Variants in SET observed in about 807,000 individuals in gnomAD.
The protein encoded by SET is SET nuclear proto-oncogene, also known as protein SET.
In SET, 4 loss-of-function variants were observed where a neutral mutation model predicts 39.0. The observed-to-expected ratio is 0.10, with a 90% CI of 0.05 to 0.23. The LOEUF (loss-of-function observed/expected upper bound fraction) is 0.23. SET is among the 10% of genes least tolerant of loss of function. SET has a pLI of 1.00. For missense variants in SET, 137 were observed against 329.7 expected (o/e 0.42, Z 4.53); for synonymous variants, 114 against 115.9 (o/e 0.98, Z 0.11).
Position 128,694,626 on chromosome 9 carries a change from C to T in SET, c.811-15C>T, listed in dbSNP as rs1470340465. On this transcript the variant is annotated splice_polypyrimidine_tract_variant and intron_variant, in intron 7 of 7. Coordinates refer to ENST00000322030, the MANE Select transcript of SET (RefSeq NM_003011.4). ...GCATTAATCCTGAAGATTAACTGCCCACTTTTTCTTTCAGGAGGATGAAGG... is the reference window on the plus strand; with the variant it reads ...GCATTAATCCTGAAGATTAACTGCCTACTTTTTCTTTCAGGAGGATGAAGG... 1 of 1,565,232 alleles carries T rather than the reference C, an allele frequency of 6.4e-7. No homozygotes were observed. The highest frequency in any genetic ancestry group is 8.7e-7 in the Non-Finnish European group (1 of 1,148,088).
At position 128,692,656 on chromosome 9, in the gene SET, GC is replaced by G; in HGVS notation, c.275-4del. ...AATTCAGCTGACCTGTAATTTTCTG[GC>G]CTAGTGTCTGCACTGCTTGGGGAGG... is the stretch of plus-strand genomic sequence containing the variant. On this transcript the variant is annotated splice_region_variant and splice_polypyrimidine_tract_variant and intron_variant, in intron 3 of 7. Coordinates refer to ENST00000322030, the MANE Select transcript of SET (RefSeq NM_003011.4). The G allele has an allele frequency of 6.3e-7, 1 of 1,589,920 alleles. No homozygotes were observed. Among genetic ancestry groups the G allele is most frequent in the Non-Finnish European group, 8.6e-7 (1 of 1,159,860 alleles).
At chr9:128,683,751 T>C in exon 1 of SET, 1 of 628,540 alleles carries the variant, frequency 1.6e-6, no homozygotes, top group Non-Finnish European at 2.7e-6. Context: ...GGGGTGTGTG[T>C]CCCACTGTCA....
At chr9:128,686,064 G>A (rs1184046123), upstream of SET, among the ~76,000 whole-genome samples, 2 of 151,892 alleles carry the variant, frequency 1.3e-5, no homozygotes, top group African/African-American at 4.8e-5. Context: ...CAGGAGGAGA[G>A]GAGAGAGGCA....
rs758272460 is a variant in SET at position 128,691,045 on chromosome 9, A to G, written c.74-125A>G. 1.3e-4 allele frequency: 103 copies of G among 775,436 alleles called. No homozygotes were observed. In the Admixed American group the frequency reaches 1.8e-3, roughly 14 times the overall value. The allele number at this position is 775,436 out of a possible 1,614,324, so 48.0% of individuals were successfully genotyped here. ...GTCAGCTACAAGCATGAACATGTGG[A>G]ACGCTTGCCTTTGTACTAGGCGTTT... On this transcript the variant is annotated intron_variant, in intron 1 of 7. Coordinates refer to ENST00000322030, the MANE Select transcript of SET (RefSeq NM_003011.4).
At chr9:128,683,525 C>T, upstream of SET, 1 of 252,470 alleles carries the variant, frequency 4.0e-6, no homozygotes, top group Middle Eastern at 1.2e-3. Context: ...TAGGGGCAGG[C>T]CTGTCTACCT....
At chr9:128,692,420 A>C (rs77557932) in intron 3 of SET, 2,646 of 255,168 alleles carry the variant, frequency 0.01, 107 homozygotes, top group African/African-American at 0.07. Flanking sequence ...AAAAAAAAAA[A>C]AACCTCAAAG....
intron 7 of SET, 85 bp downstream of exon 7, chr9:128,694,127 G>A (rs1861644338): frequency 1.7e-6 from 2 of 1,187,676 alleles, no homozygotes; most frequent in Non-Finnish European, 1.1e-6. Flanking sequence ...TATATAGTGT[G>A]GTAGAACTGA....
chr9:128,686,763 G>A (rs1589451124), upstream of SET, among the ~76,000 whole-genome samples: 2 of 152,006 alleles, frequency 1.3e-5, no homozygotes, highest in Admixed American at 1.3e-4. Context: ...TTTGAGCTCA[G>A]GAGTTTGAGA....
At position 128,689,656 on chromosome 9, in the gene SET, G is replaced by A. The variant is rs749918870; in HGVS notation, c.73+1G>A. 1 of 1,187,344 alleles carries A rather than the reference G, an allele frequency of 8.4e-7. No individual in the cohort carries two copies. Among genetic ancestry groups the A allele is most frequent in the Non-Finnish European group, 1.1e-6 (1 of 913,572 alleles). 73.6% of individuals were successfully genotyped at this position (1,187,344 alleles called of 1,614,324 possible). A position where few individuals can be genotyped will look rare whatever the true frequency, so the allele number is the denominator to read the frequency against. ...CACGACGGGGCCGACGAGACCTCAG[G>A]TGAGAGCAGCGAGCCCGGGGGCCGG... is the stretch of plus-strand genomic sequence containing the variant. On this transcript the variant is annotated splice_donor_variant, in intron 1 of 7. Transcript: ENST00000322030. LOFTEE classifies it high-confidence loss of function.
chr9:128,688,750 G>C (rs561969122), upstream of SET, among the ~76,000 whole-genome samples: 3 of 152,188 alleles, frequency 2.0e-5, no homozygotes, highest in Non-Finnish European at 4.4e-5. Context: ...AGTCCGATCG[G>C]CAGTTCCCCA....
intron 3 of SET, 126 bp downstream of exon 3, chr9:128,692,126 C>A: frequency 2.6e-6 from 3 of 1,140,198 alleles, no homozygotes; most frequent in Non-Finnish European, 3.7e-6. Flanking sequence ...CGGTGGCGCA[C>A]CTGTAATCCC....
chr9:128,688,344 C>T (rs746212026), upstream of SET, among the ~76,000 whole-genome samples: 2 of 152,152 alleles, frequency 1.3e-5, no homozygotes, highest in Non-Finnish European at 2.9e-5. Flanking sequence ...ATGCTTTGGC[C>T]CTCCTTAGTG....
chr9:128,693,156 A>G (rs1861606904), intron 5 of SET, among the ~76,000 whole-genome samples, 175 bp downstream of exon 5: 1 of 152,210 alleles, frequency 6.6e-6, no homozygotes, highest in African/African-American at 2.4e-5. Flanking sequence ...CTCATTAGAT[A>G]CTACAGATGT....
chr9:128,693,058 G>A (rs538411558), intron 5 of SET, 77 bp downstream of exon 5: 2 of 947,708 alleles, frequency 2.1e-6, no homozygotes, highest in East Asian at 2.6e-5. Context: ...ACAAGTGCTT[G>A]ATACTTTGGT....
chr9:128,687,910 A>G (rs568277507), upstream of SET, among the ~76,000 whole-genome samples: 1 of 152,146 alleles, frequency 6.6e-6, no homozygotes, highest in African/African-American at 2.4e-5. Flanking sequence ...TGGCCAGCGT[A>G]TCACTAAAAT....
At chr9:128,685,678 G>T (rs957930992), upstream of SET, among the ~76,000 whole-genome samples, 1 of 152,190 alleles carries the variant, frequency 6.6e-6, no homozygotes, top group African/African-American at 2.4e-5. Flanking sequence ...GCAGCACTGT[G>T]GGGGAATGCC....
chr9:128,686,041 C>A (rs1204265803), upstream of SET, among the ~76,000 whole-genome samples: 16 of 150,086 alleles, frequency 1.1e-4, no homozygotes, highest in African/African-American at 2.7e-4. Flanking sequence ...AAAAAAAAAA[C>A]AACCAGAGGG....
At position 128,689,335 on chromosome 9, in the gene SET, C is replaced by T. The variant is rs1001223589; in HGVS notation, c.-248C>T. ...GAGCCGCCCGCCGCCGCCGCCTCCG[C>T]CTCCCCTCCGCGAACAGGAGCCCGG... On this transcript the variant is annotated 5_prime_UTR_variant, in exon 1 of 8. Transcript: ENST00000322030. 6.9e-5 allele frequency: 72 copies of T among 1,046,190 alleles called. No homozygotes were observed. Among genetic ancestry groups the T allele is most frequent in the African/African-American group, 8.5e-5 (5 of 58,858 alleles). 64.8% of individuals were successfully genotyped at this position (1,046,190 alleles called of 1,614,324 possible).
At chr9:128,683,426 T>A (rs1199853365), upstream of SET, 1 of 223,214 alleles carries the variant, frequency 4.5e-6, no homozygotes, top group African/African-American at 2.2e-5. Flanking sequence ...TGTGGTTTAC[T>A]GAGGAATGTT....
Sources: gnomAD v4.1 joint callset for allele counts (sites outside exome capture counted in the v4.1 genomes callset) on GRCh38, gnomAD v4.1.1 for gene constraint, MANE v1.5 for transcripts, NCBI Gene and HGNC (gene_info 2026-07-23, HGNC 2026-07-21) for gene names.